Variants in RYR2 observed in about 807,000 individuals in gnomAD.
The protein encoded by RYR2 is ryanodine receptor 2.
RYR2 carries 227 observed loss-of-function variants against 601.1 expected under a neutral mutation model. The observed-to-expected ratio is 0.38, with a 90% confidence interval of 0.34 to 0.42. RYR2 has a LOEUF of 0.42. RYR2 is among the 10% of genes least tolerant of loss of function. The pLI, the probability that RYR2 is intolerant of heterozygous loss-of-function variation, is 1.00. For synonymous variants in RYR2, 2,223 were observed against 2,175.1 expected (o/e 1.02, Z -0.61); for missense variants, 4,646 against 6,156.5 (o/e 0.75, Z 8.21).
chr1:237,428,294 A>G (rs1365124781), intron 12 of RYR2, among the ~76,000 whole-genome samples: 1 of 152,184 alleles, frequency 6.6e-6, no homozygotes, highest in Admixed American at 6.6e-5. Flanking sequence ...ATAAAGATAT[A>G]CATATACCTG....
At chr1:237,809,691 A>C (rs1236211555) in intron 100 of RYR2, among the ~76,000 whole-genome samples, 1 of 152,132 alleles carries the variant, frequency 6.6e-6, no homozygotes, top group African/African-American at 2.4e-5. Flanking sequence ...AAATACCTAC[A>C]TCATTTGTGT....
intron 2 of RYR2, among the ~76,000 whole-genome samples, chr1:237,320,716 C>T (rs35588486): frequency 0.24 from 36,666 of 152,176 alleles, 5,458 homozygotes; most frequent in Admixed American, 0.33. Flanking sequence ...TGGTGACTCA[C>T]CTGCAGTCAG....
At chr1:237,651,784 T>C (rs947121673) in intron 51 of RYR2, among the ~76,000 whole-genome samples, 19 of 151,840 alleles carry the variant, frequency 1.3e-4, no homozygotes, top group African/African-American at 4.3e-4. Flanking sequence ...ACGCCTGTAA[T>C]CCCAGCACTT....
rs1036900240 is a variant in RYR2, at chr1:237,265,323, ATTGT to A, written c.49-5163_49-5160del. Among the ~76,000 whole-genome samples the A allele has an allele frequency of 8.0e-4, 122 of 151,774 alleles. 3 individuals are homozygous for A. Among genetic ancestry groups the A allele is most frequent in the African/African-American group, 6.8e-4 (28 of 41,314 alleles). ...CCTTGTAGGCTGAAGGATTTTTTTGATTGTTTGTTTGTTTTTTGAGCGGGATCTT... is the reference window on the plus strand; with the variant it reads ...CCTTGTAGGCTGAAGGATTTTTTTGATTGTTTGTTTTTTGAGCGGGATCTT... On this transcript the variant is annotated intron_variant, in intron 1 of 104. Coordinates refer to ENST00000366574, the MANE Select transcript of RYR2 (RefSeq NM_001035.3).
At chr1:237,661,751 CAGA>C (rs1180090916) in intron 56 of RYR2, among the ~76,000 whole-genome samples, 1 of 152,218 alleles carries the variant, frequency 6.6e-6, no homozygotes, top group African/African-American at 2.4e-5. Context: ...CAAGAATTCA[CAGA>C]AGATGTTGCT....
At chr1:237,794,027 C>T (rs1214545067) in intron 95 of RYR2, 30 bp downstream of exon 95, 3 of 1,582,214 alleles carry the variant, frequency 1.9e-6, no homozygotes, top group Admixed American at 3.6e-5. Context: ...AGACTTTCTG[C>T]ACTCAAAAAT....
At chr1:237,065,344 A>G (rs1386350745) in intron 1 of RYR2, among the ~76,000 whole-genome samples, 1 of 131,652 alleles carries the variant, frequency 7.6e-6, no homozygotes, top group Non-Finnish European at 1.5e-5. Context: ...CAATGGCGTG[A>G]TCTTGGCTCA....
At position 237,733,757 on chromosome 1, in the gene RYR2, G is replaced by A; in HGVS notation, c.11091+1G>A. On this transcript the variant is annotated splice_donor_variant, in intron 79 of 104. Coordinates refer to ENST00000366574, the MANE Select transcript of RYR2 (RefSeq NM_001035.3). LOFTEE classifies it high-confidence loss of function. ...GGCCTATGCAGATATTATGGCAAAG[G>A]TAAATAAGTATCCTTCCTGATTTTC... 6.3e-7 allele frequency: 1 copy of A among 1,581,566 alleles called. No individual in the cohort carries two copies. Among genetic ancestry groups the A allele is most frequent in the Non-Finnish European group, 8.7e-7 (1 of 1,151,648 alleles).
intron 14 of RYR2, among the ~76,000 whole-genome samples, chr1:237,452,697 A>G (rs541582858): frequency 7.7e-4 from 116 of 150,920 alleles, no homozygotes; most frequent in African/African-American, 2.7e-3. Flanking sequence ...AAATGTAGCC[A>G]CAAGGTTAAT....
At chr1:237,163,688 G>A (rs1676302750) in intron 1 of RYR2, among the ~76,000 whole-genome samples, 1 of 152,080 alleles carries the variant, frequency 6.6e-6, no homozygotes, top group Admixed American at 6.6e-5. Flanking sequence ...GACGGAAGAG[G>A]GAGTGGAAAT....
At chr1:237,499,885 G>A (rs978424640) in intron 20 of RYR2, among the ~76,000 whole-genome samples, 4 of 152,198 alleles carry the variant, frequency 2.6e-5, no homozygotes, top group African/African-American at 9.6e-5. Context: ...ATTGTGCAGT[G>A]AGAAGCAGAT....
chr1:237,205,713 A>G (rs6692782), intron 1 of RYR2, among the ~76,000 whole-genome samples: 51,078 of 152,168 alleles, frequency 0.34, 9,283 homozygotes, highest in East Asian at 0.55. Context: ...CCCAAATCCA[A>G]TCTGTGCTCA....
rs1052896242 is a variant in RYR2, at chr1:237,446,379, C to A, written c.1292+857C>A. On this transcript the variant is annotated intron_variant, in intron 14 of 104. Coordinates refer to ENST00000366574, the MANE Select transcript of RYR2 (RefSeq NM_001035.3). ...GACCATCTTTCTTCATTTATTTTTT[C>A]TTTTGTGTTTAATCCTATTATTTGT... is the stretch of plus-strand genomic sequence containing the variant. Among the ~76,000 whole-genome samples the A allele has an allele frequency of 7.6e-4, 116 of 151,896 alleles. 6 individuals carry two copies. The highest frequency in any genetic ancestry group is 7.4e-5 in the Non-Finnish European group (5 of 67,980).
At chr1:237,742,424 T>A (rs1034080501) in intron 80 of RYR2, 75 bp downstream of exon 80, 2 of 1,101,796 alleles carry the variant, frequency 1.8e-6, no homozygotes, top group African/African-American at 3.1e-5. Context: ...CTGACATTTA[T>A]GTTTCTTGCT....
intron 3 of RYR2, among the ~76,000 whole-genome samples, chr1:237,336,701 A>G (rs1177626213): frequency 6.6e-6 from 1 of 151,552 alleles, no homozygotes; most frequent in Non-Finnish European, 1.5e-5. Context: ...TATGAAAAAT[A>G]CAAAAATTAG....
At chr1:237,745,872 T>C (rs1692029739) in intron 80 of RYR2, among the ~76,000 whole-genome samples, 1 of 151,660 alleles carries the variant, frequency 6.6e-6, no homozygotes, top group South Asian at 2.1e-4. Flanking sequence ...ATAGGTGTAA[T>C]GCAGGACACC....
At chr1:237,726,980 G>A (rs1274320794) in intron 75 of RYR2, 107 bp from the exon 76 acceptor site, 1 of 630,860 alleles carries the variant, frequency 1.6e-6, no homozygotes, top group Non-Finnish European at 2.9e-6. Context: ...CTTAAGAGGG[G>A]CAACTGTTTA....
chr1:237,679,520 G>A (rs1685674244), intron 61 of RYR2, among the ~76,000 whole-genome samples: 1 of 152,094 alleles, frequency 6.6e-6, no homozygotes, highest in Admixed American at 6.6e-5. Flanking sequence ...CTTGCTATGG[G>A]CCCGTCACAG....
At chr1:237,237,399 G>A (rs982608760) in intron 1 of RYR2, among the ~76,000 whole-genome samples, 3 of 152,134 alleles carry the variant, frequency 2.0e-5, no homozygotes, top group Non-Finnish European at 2.9e-5. Context: ...AATGGACCTC[G>A]CTCTAGGCCA....
Sources: gnomAD v4.1 joint callset for allele counts (sites outside exome capture counted in the v4.1 genomes callset) on GRCh38, gnomAD v4.1.1 for gene constraint, MANE v1.5 for transcripts, NCBI Gene and HGNC (gene_info 2026-07-23, HGNC 2026-07-21) for gene names.